The following PRP4K variants were observed in gnomAD, a reference collection of about 807,000 sequenced individuals.
PRP4K encodes serine/threonine-protein kinase PRP4 homolog.
the PRP4K span, among the ~76,000 whole-genome samples, chr6:4,023,758 G>T: frequency 1.3e-5 from 2 of 152,086 alleles, no homozygotes; most frequent in Non-Finnish European, 2.9e-5. Flanking sequence ...TTGTCACCCA[G>T]ACTGGAGTAC....
chr6:4,057,022 G>C, the PRP4K span: 2 of 1,539,066 alleles, frequency 1.3e-6, no homozygotes, highest in Non-Finnish European at 8.8e-7. Context: ...TTAAAACTTT[G>C]ATTTTGTTTT....
the PRP4K span, among the ~76,000 whole-genome samples, chr6:4,027,543 G>A: frequency 2.5e-5 from 3 of 121,894 alleles, no homozygotes; most frequent in Non-Finnish European, 4.7e-5. Flanking sequence ...GGATTTTTGT[G>A]AATAAATATA....
the PRP4K span, among the ~76,000 whole-genome samples, chr6:4,036,396 A>G: frequency 6.6e-6 from 1 of 152,024 alleles, no homozygotes; most frequent in African/African-American, 2.4e-5. Context: ...TAATTTTGAT[A>G]TTTTTTGTAG....
At chr6:4,037,525 G>C in the PRP4K span, 1 of 1,614,064 alleles carries the variant, frequency 6.2e-7, no homozygotes, top group Non-Finnish European at 8.5e-7. Flanking sequence ...TCCCCACTCA[G>C]ACGTAGCAGG....
At chr6:4,034,888 T>C in the PRP4K span, among the ~76,000 whole-genome samples, 61 of 151,606 alleles carry the variant, frequency 4.0e-4, no homozygotes, top group African/African-American at 1.4e-3. Flanking sequence ...AATTTTTGTA[T>C]TTTTAGTAGA....
chr6:4,021,370 A>T, the PRP4K span: 1 of 1,551,604 alleles, frequency 6.4e-7, no homozygotes. Context: ...CACTTCCCCT[A>T]CCCTCCACCG....
At chr6:4,059,923 G>A in the PRP4K span, among the ~76,000 whole-genome samples, 1 of 152,226 alleles carries the variant, frequency 6.6e-6, no homozygotes, top group African/African-American at 2.4e-5. Flanking sequence ...GGGATTACAG[G>A]TGTGAGCCAC....
the PRP4K span, chr6:4,052,077 G>T: frequency 6.3e-7 from 1 of 1,590,818 alleles, no homozygotes; most frequent in African/African-American, 1.4e-5. Context: ...ATCTTTGTCT[G>T]GTATTCGAGC....
the PRP4K span, chr6:4,043,733 C>T: frequency 5.9e-6 from 8 of 1,346,590 alleles, no homozygotes; most frequent in Non-Finnish European, 8.3e-6. Context: ...TAACTTTTCA[C>T]TGCAGCAACT....
chr6:4,027,404 G>A, the PRP4K span, among the ~76,000 whole-genome samples: 1 of 152,146 alleles, frequency 6.6e-6, no homozygotes, highest in Admixed American at 6.5e-5. Context: ...AGAGCAACTT[G>A]CCTAAGGGCA....
the PRP4K span, chr6:4,048,941 C>T: frequency 7.2e-6 from 7 of 969,636 alleles, 1 homozygote; most frequent in Non-Finnish European, 9.3e-6. Flanking sequence ...TGGTGTTACC[C>T]TTTTGTGTTT....
chr6:4,060,895 A>G, the PRP4K span: 1 of 386,026 alleles, frequency 2.6e-6, no homozygotes, highest in East Asian at 5.3e-5. The surrounding 1 kb of genome is among the most constrained non-coding windows in gnomAD (Gnocchi z 4.7). Flanking sequence ...AGACAAAAGC[A>G]TCTGTTATGA....
At chr6:4,021,365 C>A in the PRP4K span, 121 of 1,551,540 alleles carry the variant, frequency 7.8e-5, no homozygotes, top group East Asian at 2.9e-3. Context: ...TCCTCCACTT[C>A]CCCTACCCTC....
the PRP4K span, among the ~76,000 whole-genome samples, chr6:4,058,286 A>G: frequency 1.3e-5 from 2 of 152,224 alleles, no homozygotes; most frequent in African/African-American, 2.4e-5. Flanking sequence ...AATAAGTTAC[A>G]TAAAAATGAG....
chr6:4,027,607 G>GGGGGGGGGGGT, the PRP4K span, among the ~76,000 whole-genome samples: 3 of 94,536 alleles, frequency 3.2e-5, no homozygotes, highest in Non-Finnish European at 4.3e-5. Flanking sequence ...GGGTGGGGGG[G>GGGGGGGGGGGT]TGGGGTGGGG....
At chr6:4,053,186 T>C in the PRP4K span, among the ~76,000 whole-genome samples, 1 of 152,230 alleles carries the variant, frequency 6.6e-6, no homozygotes, top group East Asian at 1.9e-4. Flanking sequence ...AGAAAAATGC[T>C]GCACATGTTG....
the PRP4K span, among the ~76,000 whole-genome samples, chr6:4,034,696 ATTTT>A: frequency 6.6e-6 from 1 of 151,720 alleles, no homozygotes; most frequent in Non-Finnish European, 1.5e-5. Flanking sequence ...TATTTTCTTT[ATTTT>A]TATTTATTTA....
the PRP4K span, among the ~76,000 whole-genome samples, chr6:4,055,378 G>A: frequency 6.6e-6 from 1 of 152,134 alleles, no homozygotes; most frequent in Non-Finnish European, 1.5e-5. Flanking sequence ...AATCAATGTG[G>A]GAGTTAAAAA....
the PRP4K span, chr6:4,056,445 T>C: frequency 1.2e-6 from 2 of 1,612,910 alleles, no homozygotes; most frequent in Admixed American, 3.3e-5. Context: ...AGTAAGTTTC[T>C]TAATGTTCTT....
Sources: gnomAD v4.1 joint callset for allele counts (sites outside exome capture counted in the v4.1 genomes callset) on GRCh38, gnomAD v4.1.1 for gene constraint, Gnocchi (gnomAD v3.1) non-coding constraint, MANE v1.5 for transcripts, NCBI Gene and HGNC (gene_info 2026-07-23, HGNC 2026-07-21) for gene names.